The following TDRD3 variants were observed in gnomAD, a reference collection of about 807,000 sequenced individuals.
TDRD3 encodes the protein tudor domain-containing protein 3.
In TDRD3, 45 loss-of-function variants were observed where a neutral mutation model predicts 86.7. The observed-to-expected ratio is 0.52, with a 90% CI of 0.41 to 0.67. The LOEUF is 0.67. Among genes scored for constraint, TDRD3 ranks in the 30% least tolerant of loss-of-function variants. TDRD3 has a pLI of 0.00. For synonymous variants in TDRD3, 298 were observed against 301.7 expected, an observed-to-expected ratio of 0.99 and a Z score of 0.13; for missense variants, 814 against 889.0, an observed-to-expected ratio of 0.92 and a Z score of 1.07.
chr13:60,501,116 GGTTT>G (rs1595030644), intron 8 of TDRD3, among the ~76,000 whole-genome samples: 1 of 152,184 alleles, frequency 6.6e-6, no homozygotes, highest in Non-Finnish European at 1.5e-5. Context: ...AAAGGGCAGA[GGTTT>G]GTTCTCACTG....
intron 1 of TDRD3, among the ~76,000 whole-genome samples, chr13:60,409,563 A>G (rs1156918248): frequency 1.3e-5 from 2 of 152,110 alleles, no homozygotes; most frequent in Non-Finnish European, 2.9e-5. Flanking sequence ...AAAAGAGATG[A>G]TTTTGGAGCT....
chr13:60,476,765 A>C (rs975668995), intron 5 of TDRD3, among the ~76,000 whole-genome samples: 1 of 151,978 alleles, frequency 6.6e-6, no homozygotes, highest in African/African-American at 2.4e-5. Flanking sequence ...CATTGTAGAG[A>C]TCTTTCGCCT....
chr13:60,571,390 T>A (rs1429974403), intron 13 of TDRD3, among the ~76,000 whole-genome samples: 1 of 152,106 alleles, frequency 6.6e-6, no homozygotes, highest in Non-Finnish European at 1.5e-5. Flanking sequence ...AACTTAAACA[T>A]CTAAAAAAAG....
chr13:60,526,155 G>A (rs1305217125), intron 10 of TDRD3, among the ~76,000 whole-genome samples: 1 of 151,950 alleles, frequency 6.6e-6, no homozygotes, highest in African/African-American at 2.4e-5. Flanking sequence ...GGCCCTCAGT[G>A]GAATAATTTA....
chr13:60,566,863 T>A (rs1712893577), intron 12 of TDRD3, among the ~76,000 whole-genome samples: 1 of 152,188 alleles, frequency 6.6e-6, no homozygotes, highest in Admixed American at 6.5e-5. Context: ...CTGGTAGATA[T>A]ACCCACTCAG....
intron 8 of TDRD3, among the ~76,000 whole-genome samples, chr13:60,500,385 C>T (rs1339988394): frequency 1.3e-5 from 2 of 152,172 alleles, no homozygotes; most frequent in Non-Finnish European, 2.9e-5. Context: ...AATCCTGCCA[C>T]CCTGCCTTGT....
intron 3 of TDRD3, among the ~76,000 whole-genome samples, chr13:60,457,515 G>T (rs946682568): frequency 6.6e-6 from 1 of 152,306 alleles, no homozygotes; most frequent in East Asian, 1.9e-4. Context: ...TCCCTAGCTA[G>T]GCTAGATCTC....
At chr13:60,398,029 G>C (rs1266065141) in intron 1 of TDRD3, among the ~76,000 whole-genome samples, 1 of 152,224 alleles carries the variant, frequency 6.6e-6, no homozygotes, top group Non-Finnish European at 1.5e-5. Context: ...GGGGGTGCTC[G>C]GTAGAACTTT....
chr13:60,553,172 A>G (rs1958105206), intron 12 of TDRD3, among the ~76,000 whole-genome samples: 1 of 152,208 alleles, frequency 6.6e-6, no homozygotes, highest in Non-Finnish European at 1.5e-5. Context: ...TCCCTTTTAA[A>G]CATAAATTTC....
At position 60,510,630 on chromosome 13, in the gene TDRD3, G is replaced by A. The variant is rs184799756; in HGVS notation, c.1016G>A (p.Gly339Asp). The change falls in exon 10 of 14, where the codon GGT becomes GAT. Residue 339 changes from glycine (G) to aspartate (D), a missense_variant and splice_region_variant. Gly to Asp is a moderately conservative substitution (Grantham distance 94). Coordinates refer to ENST00000377881, the MANE Select transcript of TDRD3 (RefSeq NM_001146070.2). ...QKPVMGPPLR[G>D]RGKGRGRIRS... ...ATATTTCTTGCTTTTGCATCTAAAGGTAGAGGAAAAGGCAGGGGGCGAATA... is the reference window on the plus strand; with the variant it reads ...ATATTTCTTGCTTTTGCATCTAAAGATAGAGGAAAAGGCAGGGGGCGAATA... 6 of 1,594,354 alleles carry A rather than the reference G, an allele frequency of 3.8e-6. No individual in the cohort carries two copies. Among genetic ancestry groups the A allele is most frequent in the Non-Finnish European group, 5.1e-6 (6 of 1,171,466 alleles).
intron 12 of TDRD3, among the ~76,000 whole-genome samples, chr13:60,561,509 C>T (rs1958332777): frequency 6.6e-6 from 1 of 152,116 alleles, no homozygotes; most frequent in Non-Finnish European, 1.5e-5. Context: ...TGTAAAAACA[C>T]CCACTTTAAC....
At chr13:60,474,068 G>A (rs971232609) in intron 5 of TDRD3, among the ~76,000 whole-genome samples, 3 of 152,132 alleles carry the variant, frequency 2.0e-5, no homozygotes, top group Non-Finnish European at 4.4e-5. Flanking sequence ...CTCCTGATCC[G>A]CTTTCATGTT....
At chr13:60,418,608 G>A (rs557007582) in intron 1 of TDRD3, among the ~76,000 whole-genome samples, 3 of 152,102 alleles carry the variant, frequency 2.0e-5, no homozygotes, top group African/African-American at 7.2e-5. Context: ...CACAATTAAT[G>A]TACATTAAAA....
intron 8 of TDRD3, among the ~76,000 whole-genome samples, chr13:60,503,261 T>A (rs1008368440): frequency 6.6e-6 from 1 of 152,192 alleles, no homozygotes; most frequent in Non-Finnish European, 1.5e-5. Context: ...GAATCCTGCA[T>A]TTGAGAGCAC....
Position 60,510,761 on chromosome 13 carries a change from C to G in TDRD3, c.1141+6C>G. On this transcript the variant is annotated splice_donor_region_variant and intron_variant, in intron 10 of 13. Coordinates refer to ENST00000377881, the MANE Select transcript of TDRD3 (RefSeq NM_001146070.2). ...GGGAACTTTGAATGTGGAAGGTAAG[C>G]TAATTTAAAGTTGATTCCTTTTTTT... The G allele has an allele frequency of 6.6e-7, 1 of 1,517,882 alleles. No individual in the cohort carries two copies. Among genetic ancestry groups the G allele is most frequent in the African/African-American group, 1.4e-5 (1 of 70,020 alleles). 94.0% of individuals were successfully genotyped at this position (1,517,882 alleles called of 1,614,324 possible).
intron 12 of TDRD3, among the ~76,000 whole-genome samples, chr13:60,550,794 C>T (rs1186901330): frequency 6.6e-6 from 1 of 152,040 alleles, no homozygotes; most frequent in Non-Finnish European, 1.5e-5. Context: ...ATGTTGTTAC[C>T]TGGCATTATA....
chr13:60,566,087 A>G (rs1035834900), intron 12 of TDRD3, among the ~76,000 whole-genome samples: 24 of 152,224 alleles, frequency 1.6e-4, no homozygotes, highest in African/African-American at 5.5e-4. Flanking sequence ...CCTCAGGATG[A>G]TCATTAATTT....
chr13:60,517,692 T>C (rs1267205414), intron 10 of TDRD3, among the ~76,000 whole-genome samples: 1 of 152,234 alleles, frequency 6.6e-6, no homozygotes, highest in Admixed American at 6.5e-5. Context: ...GAAGTGCAAA[T>C]GTACCCCAAA....
At chr13:60,561,744 G>C (rs1958337416) in intron 12 of TDRD3, among the ~76,000 whole-genome samples, 1 of 152,114 alleles carries the variant, frequency 6.6e-6, no homozygotes, top group Admixed American at 6.5e-5. Flanking sequence ...CTGTGTTCTA[G>C]CCCAAGTAGT....
Sources: allele counts gnomAD v4.1 joint callset (sites outside exome capture counted in the v4.1 genomes callset), GRCh38; gene constraint gnomAD v4.1.1; transcripts MANE v1.5; gene names NCBI Gene and HGNC (gene_info 2026-07-23, HGNC 2026-07-21).